The following RPH3A variants were observed in gnomAD, a reference collection of about 807,000 sequenced individuals.
RPH3A encodes the protein rabphilin 3A, also known as rabphilin-3A.
In RPH3A, 48 loss-of-function variants were observed where a neutral mutation model predicts 102.2. That is an observed-to-expected ratio of 0.47 (90% CI 0.37 to 0.60). The LOEUF is 0.60. Among genes scored for constraint, RPH3A ranks in the 20% least tolerant of loss-of-function variants. The pLI, the probability that RPH3A is intolerant of heterozygous loss-of-function variation, is 0.00. For synonymous variants in RPH3A, 310 were observed against 324.3 expected (o/e 0.96, Z 0.47); for missense variants, 781 against 910.1 (o/e 0.86, Z 1.83).
chr12:112,713,199 T>C (rs931144413), intron 1 of RPH3A, among the ~76,000 whole-genome samples: 5 of 151,600 alleles, frequency 3.3e-5, no homozygotes, highest in African/African-American at 1.2e-4. Context: ...CTCAAAGTGC[T>C]GGGATTATAG....
At chr12:112,757,317 A>G (rs2040828383) in intron 1 of RPH3A, among the ~76,000 whole-genome samples, 1 of 152,260 alleles carries the variant, frequency 6.6e-6, no homozygotes, top group Admixed American at 6.5e-5. Flanking sequence ...GGCTGAGGTA[A>G]CAAGGTCCAA....
At chr12:112,602,165 G>T (rs1049839844) in intron 1 of RPH3A, among the ~76,000 whole-genome samples, 1 of 152,116 alleles carries the variant, frequency 6.6e-6, no homozygotes, top group Non-Finnish European at 1.5e-5. Context: ...TCTCAAGTAG[G>T]TAATAGTAAT....
Position 112,766,752 on chromosome 12 carries a change from A to G in RPH3A, c.-139-25391A>G, listed in dbSNP as rs574619165. Among the ~76,000 whole-genome samples, 8 of 152,284 alleles carry G rather than the reference A, an allele frequency of 5.3e-5. No homozygotes were observed. The East Asian group carries it at 1.2e-3, about 22-fold the overall frequency. On this transcript the variant is annotated intron_variant, in intron 1 of 21. Coordinates refer to the RPH3A transcript ENST00000543106. ...ATCCTGAGAGGCAGCCAGTGTCACAACGATGATAAAGGGATCCAAGGGGAT... is the reference window on the plus strand; with the variant it reads ...ATCCTGAGAGGCAGCCAGTGTCACAGCGATGATAAAGGGATCCAAGGGGAT...
chr12:112,650,901 T>A (rs1177485694), intron 1 of RPH3A: 1 of 151,986 alleles, frequency 6.6e-6, no homozygotes, highest in Non-Finnish European at 1.5e-5. Context: ...GCTAATTTTT[T>A]AATGTTTTTG....
rs1311496460 is a variant in RPH3A at position 112,893,217 on chromosome 12, C to A, written c.1776-1361C>A. On this transcript the variant is annotated intron_variant, in intron 19 of 21. Transcript: ENST00000389385. The stretch of plus-strand genomic sequence containing the variant: ...AAAATGGGAGACCACTAAGCAGTTT[C>A]TGATCAAATAAAGATTTTTTAAAAG... 3.3e-5 allele frequency: 5 copies of A among 151,926 alleles called. No homozygotes were observed. In the East Asian group the frequency reaches 7.7e-4, roughly 23 times the overall value. The allele number at this position is 151,926 out of a possible 1,614,324, so 9.4% of individuals were successfully genotyped here. A position where few individuals can be genotyped will look rare whatever the true frequency, so the allele number is the denominator to read the frequency against.
Position 112,889,969 on chromosome 12 carries a change from C to G in RPH3A, c.1564-55C>G. The G allele has an allele frequency of 3.3e-6, 5 of 1,525,686 alleles. No homozygotes were observed. The South Asian group carries it at 5.6e-5, about 17-fold the overall frequency. The allele number at this position is 1,525,686 out of a possible 1,614,324, so 94.5% of individuals were successfully genotyped here. ...TGAGGGGTTTCTGGTCCTTCTTGCG[C>G]AGGAAGATGAGCTCCATAGACAATG... is the stretch of plus-strand genomic sequence containing the variant. On this transcript the variant is annotated intron_variant, in intron 17 of 21. Coordinates refer to ENST00000389385, the MANE Select transcript of RPH3A (RefSeq NM_001143854.2).
intron 1 of RPH3A, among the ~76,000 whole-genome samples, chr12:112,616,631 G>T (rs773678166): frequency 2.0e-5 from 3 of 152,358 alleles, no homozygotes; most frequent in African/African-American, 4.8e-5. Context: ...GAAGCTCAGA[G>T]AAGTTAAGCA....
At chr12:112,763,326 A>G (rs748358411) in intron 1 of RPH3A, among the ~76,000 whole-genome samples, 15 of 152,232 alleles carry the variant, frequency 9.9e-5, no homozygotes, top group Admixed American at 2.0e-4. Flanking sequence ...TGAGTGACCA[A>G]TGTCCCATGA....
intron 1 of RPH3A, among the ~76,000 whole-genome samples, chr12:112,632,176 C>T (rs2039812180): frequency 6.6e-6 from 1 of 152,194 alleles, no homozygotes; most frequent in Non-Finnish European, 1.5e-5. Context: ...GTGACTTGCT[C>T]CTCCTTGCCT....
intron 2 of RPH3A, among the ~76,000 whole-genome samples, chr12:112,820,119 G>T (rs1024177257): frequency 6.6e-6 from 1 of 152,206 alleles, no homozygotes; most frequent in Non-Finnish European, 1.5e-5. Context: ...GGGGGAGAAA[G>T]AGGGTACCAA....
intron 1 of RPH3A, among the ~76,000 whole-genome samples, chr12:112,745,811 C>A (rs535299415): frequency 6.6e-6 from 1 of 152,266 alleles, no homozygotes; most frequent in East Asian, 1.9e-4. Flanking sequence ...CAATGGCCAT[C>A]CTCCAGCAGT....
intron 1 of RPH3A, among the ~76,000 whole-genome samples, chr12:112,708,143 G>A (rs569320259): frequency 6.6e-6 from 1 of 152,270 alleles, no homozygotes; most frequent in African/African-American, 2.4e-5. Context: ...AACATCTATA[G>A]GAACAATGAG....
At chr12:112,890,746 C>T in intron 18 of RPH3A, 103 bp from the exon 19 acceptor site, 1 of 1,336,588 alleles carries the variant, frequency 7.5e-7, no homozygotes, top group Non-Finnish European at 1.0e-6. Context: ...CTAGAGCTGG[C>T]CAAGCTTCGC....
At chr12:112,765,073 A>C (rs186123668) in intron 1 of RPH3A, among the ~76,000 whole-genome samples, 1 of 152,166 alleles carries the variant, frequency 6.6e-6, no homozygotes, top group African/African-American at 2.4e-5. Context: ...TGAGAGAGGA[A>C]TGCCACCTCT....
intron 1 of RPH3A, among the ~76,000 whole-genome samples, chr12:112,661,406 G>A (rs1024038729): frequency 6.6e-6 from 1 of 152,176 alleles, no homozygotes; most frequent in Non-Finnish European, 1.5e-5. Context: ...GATAACTACA[G>A]CCCCTGCTTT....
intron 2 of RPH3A, among the ~76,000 whole-genome samples, chr12:112,805,269 G>A (rs1056697589): frequency 6.6e-6 from 1 of 152,006 alleles, no homozygotes; most frequent in Admixed American, 6.5e-5. Context: ...ATTTTGTCCA[G>A]TCATGAACCT....
chr12:112,599,050 T>G (rs1270902866), intron 1 of RPH3A, among the ~76,000 whole-genome samples: 2 of 152,244 alleles, frequency 1.3e-5, no homozygotes, highest in Non-Finnish European at 2.9e-5. Context: ...GTGCAGCCAT[T>G]AATCATTTGT....
At chr12:112,825,055 G>T (rs544208229) in intron 2 of RPH3A, among the ~76,000 whole-genome samples, 27 of 152,278 alleles carry the variant, frequency 1.8e-4, no homozygotes, top group African/African-American at 6.3e-4. Context: ...CATTCTCGGG[G>T]ACTGAGCCTC....
At chr12:112,819,312 T>C (rs940256637) in intron 2 of RPH3A, among the ~76,000 whole-genome samples, 1 of 152,088 alleles carries the variant, frequency 6.6e-6, no homozygotes, top group Non-Finnish European at 1.5e-5. Context: ...TTCATCACGT[T>C]GGCAAGGCTG....
Sources: gnomAD v4.1 joint callset for allele counts (sites outside exome capture counted in the v4.1 genomes callset) on GRCh38, gnomAD v4.1.1 for gene constraint, MANE v1.5 for transcripts, NCBI Gene and HGNC (gene_info 2026-07-23, HGNC 2026-07-21) for gene names.